The following NT5C1B variants were observed in gnomAD, a reference collection of about 807,000 sequenced individuals.
The protein encoded by NT5C1B is cytosolic 5'-nucleotidase 1B.
In NT5C1B, 44 loss-of-function variants were observed where a neutral mutation model predicts 57.8. That is an observed-to-expected ratio of 0.76 (90% confidence interval 0.60 to 0.98). The LOEUF is 0.98. Ranked by LOEUF, NT5C1B falls within the 50% of genes least tolerant of loss-of-function variation. The pLI is 0.00. For missense variants in NT5C1B, 742 were observed against 719.5 expected (o/e 1.03, Z -0.36); for synonymous variants, 284 against 282.6 (o/e 1.00, Z -0.05).
intron 8 of NT5C1B, among the ~76,000 whole-genome samples, chr2:18,575,217 A>C (rs1215060186): frequency 6.6e-6 from 1 of 152,048 alleles, no homozygotes; most frequent in Non-Finnish European, 1.5e-5. Context: ...TATAACAAAG[A>C]ATTTTCTTAA....
chr2:18,581,283 C>CT (rs956113306), intron 6 of NT5C1B, among the ~76,000 whole-genome samples: 9 of 151,724 alleles, frequency 5.9e-5, no homozygotes, highest in African/African-American at 1.7e-4. Flanking sequence ...CCTAAGATTC[C>CT]TTTTTTTTAA....
At chr2:18,585,041 G>C in intron 3 of NT5C1B, 63 bp from the exon 4 acceptor site, 2 of 1,588,384 alleles carry the variant, frequency 1.3e-6, no homozygotes, top group Non-Finnish European at 8.5e-7. Context: ...TCAAGGATCT[G>C]TCCCTTCTGC....
intron 1 of NT5C1B, among the ~76,000 whole-genome samples, chr2:18,589,066 T>C (rs6710367): frequency 0.15 from 22,124 of 152,202 alleles, 5,210 homozygotes; most frequent in African/African-American, 0.49. Flanking sequence ...CATACTTTTA[T>C]GGAGCAATGA....
exon 9 of NT5C1B, chr2:18,563,936 G>A (rs771130661): frequency 2.0e-5 from 33 of 1,614,068 alleles, no homozygotes; most frequent in Non-Finnish European, 2.8e-5. Flanking sequence ...GCTCCAGCAA[G>A]GAAAAGAGCT....
chr2:18,571,197 A>G (rs75144753), intron 8 of NT5C1B, among the ~76,000 whole-genome samples: 1 of 152,334 alleles, frequency 6.6e-6, no homozygotes, highest in Non-Finnish European at 1.5e-5. Flanking sequence ...GGCAAGAATG[A>G]TAAATAACAG....
intron 1 of NT5C1B, among the ~76,000 whole-genome samples, chr2:18,588,318 C>T (rs1666909900): frequency 6.6e-6 from 1 of 152,126 alleles, no homozygotes; most frequent in Admixed American, 6.5e-5. Context: ...TAAGTAGCTG[C>T]AATGTGATCA....
rs756903164 is a variant in NT5C1B at position 18,584,297 on chromosome 2, C to T, written c.724-42G>A. The T allele has an allele frequency of 2.5e-6, 4 of 1,600,402 alleles. No homozygotes were observed. In the South Asian group the frequency reaches 4.5e-5, roughly 18 times the overall value. ...CAAAGGGAGGATAGTCACATAGCCA[C>T]GAAGAGGACAGGGTTGGGGCTCCTC... On this transcript the variant is annotated intron_variant, in intron 4 of 8. Coordinates refer to ENST00000304081, the Ensembl canonical transcript of NT5C1B. The surrounding 1 kb of genome is among the most constrained non-coding windows in gnomAD (Gnocchi z 5.8).
At chr2:18,576,720 C>T in intron 7 of NT5C1B, 53 bp downstream of exon 7, 1 of 1,595,302 alleles carries the variant, frequency 6.3e-7, no homozygotes. Context: ...TAATGTAAGT[C>T]ACCATTAGTG....
At chr2:18,581,275 T>C (rs1666158607) in intron 6 of NT5C1B, among the ~76,000 whole-genome samples, 1 of 152,174 alleles carries the variant, frequency 6.6e-6, no homozygotes, top group Admixed American at 6.5e-5. Context: ...CCTTTTGACC[T>C]AAGATTCCTT....
At position 18,586,837 on chromosome 2, in the gene NT5C1B, A is replaced by C. The variant is rs1434943044; in HGVS notation, c.121-446T>G. The C allele has an allele frequency of 5.1e-6, 7 of 1,367,136 alleles. No individual in the cohort carries two copies. The Admixed American group carries it at 1.7e-4, about 34-fold the overall frequency. 84.7% of individuals were successfully genotyped at this position (1,367,136 alleles called of 1,614,324 possible). On this transcript the variant is annotated intron_variant, in intron 2 of 8. Transcript: ENST00000304081. ...CAGGGGGACTCTAAGGCAGCTGCTG[A>C]AAAGGAATGGAGCCCTCAAGCTTTT...
chr2:18,587,130 G>C (rs1477707085), intron 2 of NT5C1B: 2 of 1,614,054 alleles, frequency 1.2e-6, no homozygotes, highest in Non-Finnish European at 1.7e-6. Flanking sequence ...ACCCTGGAAG[G>C]GGCAACATCT....
exon 7 of NT5C1B, chr2:18,576,818 A>G: frequency 6.2e-7 from 1 of 1,613,954 alleles, no homozygotes; most frequent in Non-Finnish European, 8.5e-7. Flanking sequence ...GCAGCAATAT[A>G]CAAGTTGGTA....
At chr2:18,586,935 C>G (rs1351022775) in intron 2 of NT5C1B, 2 of 1,612,436 alleles carry the variant, frequency 1.2e-6, no homozygotes, top group Non-Finnish European at 1.7e-6. Flanking sequence ...CCATATTCTT[C>G]CCCTCACCCA....
At chr2:18,563,510 A>G (rs1356980154) in exon 9 of NT5C1B, 1 of 257,116 alleles carries the variant, frequency 3.9e-6, no homozygotes, top group South Asian at 1.4e-4. Context: ...ACAGTGCCTT[A>G]AGCATGCAAA....
At chr2:18,572,303 A>T (rs1473626665) in intron 8 of NT5C1B, among the ~76,000 whole-genome samples, 1 of 152,186 alleles carries the variant, frequency 6.6e-6, no homozygotes, top group African/African-American at 2.4e-5. Context: ...CTCAAAATAG[A>T]TGATAATCCT....
Position 18,582,736 on chromosome 2 carries a change from A to G in NT5C1B, c.1021+132T>C, listed in dbSNP as rs552500659. ...CTCTTGTTCTGACATAGGCAAATAA[A>G]CATTCCTGGCGCAGAAGGGGGTGTC... On this transcript the variant is annotated intron_variant, in intron 6 of 8. Coordinates refer to ENST00000304081, the Ensembl canonical transcript of NT5C1B. 2.7e-3 allele frequency: 3,717 copies of G among 1,361,392 alleles called. 7 individuals are homozygous for G. The highest frequency in any genetic ancestry group is 3.4e-3 in the Non-Finnish European group (3,452 of 1,021,426). The allele number at this position is 1,361,392 out of a possible 1,614,324, so 84.3% of individuals were successfully genotyped here. A position where few individuals can be genotyped will look rare whatever the true frequency, so the allele number is the denominator to read the frequency against.
rs565853301 is a variant in NT5C1B, at chr2:18,568,851, T to A, written c.1330-4732A>T. Among the ~76,000 whole-genome samples, 8 of 152,322 alleles carry A rather than the reference T, an allele frequency of 5.3e-5. No homozygotes were observed. The South Asian group carries it at 1.7e-3, about 32-fold the overall frequency. On this transcript the variant is annotated intron_variant, in intron 8 of 8. Coordinates refer to ENST00000304081, the Ensembl canonical transcript of NT5C1B. The stretch of plus-strand genomic sequence containing the variant: ...CCTTTCCAGACCGAACCAATGTTCA[T>A]GTTACATATGTTGATTAATATCTCA...
At chr2:18,580,575 A>G (rs1352703720) in intron 6 of NT5C1B, among the ~76,000 whole-genome samples, 3 of 152,222 alleles carry the variant, frequency 2.0e-5, no homozygotes, top group Non-Finnish European at 4.4e-5. Context: ...AGATAGCACT[A>G]TTGCACTCCA....
At chr2:18,564,904 C>T (rs1410087139) in intron 8 of NT5C1B, among the ~76,000 whole-genome samples, 1 of 152,056 alleles carries the variant, frequency 6.6e-6, no homozygotes, top group African/African-American at 2.4e-5. Flanking sequence ...ATTACCTTTA[C>T]AACTATAACC....
Sources: allele counts gnomAD v4.1 joint callset (sites outside exome capture counted in the v4.1 genomes callset), GRCh38; gene constraint gnomAD v4.1.1; non-coding constraint Gnocchi (gnomAD v3.1); transcripts MANE v1.5; gene names NCBI Gene and HGNC (gene_info 2026-07-23, HGNC 2026-07-21).